STRN3: variants seen among roughly 807,000 people sequenced by gnomAD.
STRN3 encodes striatin 3.
Under a neutral mutation model 95.6 loss-of-function variants are expected in STRN3, and 29 were observed. That is an observed-to-expected ratio of 0.30 (90% CI 0.23 to 0.41). The LOEUF is 0.41. STRN3 is among the 10% of genes least tolerant of loss of function. The pLI, the probability that STRN3 is intolerant of heterozygous loss-of-function variation, is 1.00. For missense variants in STRN3, 890 were observed against 972.1 expected (o/e 0.92, Z 1.12); for synonymous variants, 331 against 357.6 (o/e 0.93, Z 0.84).
intron 12 of STRN3, 131 bp from the exon 13 acceptor site, chr14:30,911,293 T>TA (rs1896601830): frequency 5.1e-4 from 408 of 799,760 alleles, no homozygotes; most frequent in Non-Finnish European, 6.7e-4. Context: ...ACCTGACTGG[T>TA]ACTTTTTTTT....
chr14:30,938,754 A>G (rs2139084204), intron 5 of STRN3, among the ~76,000 whole-genome samples: 1 of 152,324 alleles, frequency 6.6e-6, no homozygotes, highest in Middle Eastern at 3.4e-3. Context: ...GGGGTATATA[A>G]AGAACACTTA....
chr14:30,930,140 C>T (rs746048723), intron 7 of STRN3, among the ~76,000 whole-genome samples: 12 of 151,766 alleles, frequency 7.9e-5, no homozygotes, highest in Non-Finnish European at 2.9e-5. Context: ...ATACTTGTGA[C>T]TGAGAAAAAT....
intron 8 of STRN3, among the ~76,000 whole-genome samples, chr14:30,924,663 G>A (rs1009308821): frequency 2.0e-5 from 3 of 151,988 alleles, no homozygotes; most frequent in Non-Finnish European, 2.9e-5. Context: ...TTTGAGATCC[G>A]CCTGGGCAAC....
At chr14:31,023,697 C>T (rs901427703) in intron 1 of STRN3, among the ~76,000 whole-genome samples, 3 of 151,702 alleles carry the variant, frequency 2.0e-5, no homozygotes, top group Admixed American at 6.6e-5. Context: ...TTCACTACAC[C>T]CTCCCACAAA....
At chr14:31,009,514 T>G (rs966774545) in intron 1 of STRN3, among the ~76,000 whole-genome samples, 3 of 149,780 alleles carry the variant, frequency 2.0e-5, no homozygotes, top group Admixed American at 6.7e-5. Flanking sequence ...CACTTTTGCA[T>G]TTGTACGGAA....
intron 1 of STRN3, among the ~76,000 whole-genome samples, chr14:30,975,130 T>C (rs60862458): frequency 0.086 from 12,559 of 146,026 alleles, 1,361 homozygotes; most frequent in South Asian, 0.29. Flanking sequence ...AGCAGCACAA[T>C]TCATAACTGC....
At chr14:31,004,142 G>A (rs112317287) in intron 1 of STRN3, among the ~76,000 whole-genome samples, 1,598 of 152,074 alleles carry the variant, frequency 0.011, 22 homozygotes, top group African/African-American at 0.032. Context: ...AAAATTAGCC[G>A]GGTGTGATGG....
intron 5 of STRN3, among the ~76,000 whole-genome samples, chr14:30,939,123 T>C (rs1878968323): frequency 6.6e-6 from 1 of 152,216 alleles, no homozygotes; most frequent in African/African-American, 2.4e-5. Flanking sequence ...CACTTACATT[T>C]CATTTGAATT....
rs1442738545 is a variant in STRN3 at position 30,919,092 on chromosome 14, T to C, written c.1114A>G (p.Lys372Glu). Residue 372 changes from lysine (K) to glutamate (E), a missense_variant, in exon 9 of 18, where the codon AAA (lysine) becomes GAA (glutamate). By Grantham distance (56) the Lys-to-Glu change is moderately conservative. Transcript: ENST00000357479. ...KKGVKRANRTKLYDMIADLGD... is the reference protein window; with the variant it reads ...KKGVKRANRTELYDMIADLGD... ...AGATCAGCTATCATGTCGTAGAGTT[T>C]TGTCCTGTTGGCCCCTGTAAATTAA... 3 of 1,606,374 alleles carry C rather than the reference T, an allele frequency of 1.9e-6. No homozygotes were observed. Among genetic ancestry groups the C allele is most frequent in the Non-Finnish European group, 2.6e-6 (3 of 1,175,522 alleles).
At chr14:30,965,709 G>A (rs1213612926) in intron 1 of STRN3, among the ~76,000 whole-genome samples, 4 of 137,384 alleles carry the variant, frequency 2.9e-5, no homozygotes, top group Non-Finnish European at 4.5e-5. Context: ...AACTACTCAG[G>A]AATCTGAGGA....
chr14:31,022,941 T>C (rs986018785), intron 1 of STRN3, among the ~76,000 whole-genome samples: 26 of 152,312 alleles, frequency 1.7e-4, no homozygotes, highest in Middle Eastern at 3.4e-3. Flanking sequence ...AGGAGATATT[T>C]TGCTTAGACT....
intron 1 of STRN3, among the ~76,000 whole-genome samples, chr14:31,010,717 C>T (rs1178025555): frequency 3.3e-5 from 5 of 152,184 alleles, no homozygotes; most frequent in South Asian, 2.1e-4. Context: ...CCCCGCCCCA[C>T]AGTGCATTAA....
intron 1 of STRN3, among the ~76,000 whole-genome samples, chr14:31,002,065 C>T (rs1463800062): frequency 1.3e-5 from 2 of 149,666 alleles, no homozygotes; most frequent in African/African-American, 4.9e-5. Context: ...ACTCGGGAGG[C>T]TGAGGCAGGA....
intron 1 of STRN3, among the ~76,000 whole-genome samples, chr14:30,979,486 A>C (rs1237740879): frequency 6.6e-6 from 1 of 152,222 alleles, no homozygotes; most frequent in Non-Finnish European, 1.5e-5. Context: ...TTGTTTCCAT[A>C]TACAATTTCA....
chr14:30,909,197 ATT>A (rs1295996429), intron 13 of STRN3, among the ~76,000 whole-genome samples: 1 of 151,692 alleles, frequency 6.6e-6, no homozygotes, highest in East Asian at 1.9e-4. Flanking sequence ...GTAGACTTTA[ATT>A]TTTTTTTAGA....
At chr14:30,934,749 AC>A (rs1258423558) in intron 7 of STRN3, among the ~76,000 whole-genome samples, 2 of 152,188 alleles carry the variant, frequency 1.3e-5, no homozygotes, top group African/African-American at 2.4e-5. Flanking sequence ...CTGACTAATT[AC>A]TAATTCTAGT....
At chr14:30,896,180 C>T (rs926692762) in intron 16 of STRN3, among the ~76,000 whole-genome samples, 11 of 152,110 alleles carry the variant, frequency 7.2e-5, no homozygotes, top group African/African-American at 2.2e-4. Context: ...TCCACCACTA[C>T]GGTAATGTTT....
intron 1 of STRN3, among the ~76,000 whole-genome samples, chr14:31,008,572 A>C (rs1359617050): frequency 6.6e-6 from 1 of 152,206 alleles, no homozygotes; most frequent in Non-Finnish European, 1.5e-5. Flanking sequence ...ATCATTTTTA[A>C]AAAAATGCCA....
At chr14:30,914,696 TC>T (rs5807606) in intron 9 of STRN3, among the ~76,000 whole-genome samples, 95,410 of 151,980 alleles carry the variant, frequency 0.63, 30,903 homozygotes, top group Non-Finnish European at 0.71. Context: ...TATTTTAATG[TC>T]CCATTCTAGT....
Sources: allele counts gnomAD v4.1 joint callset (sites outside exome capture counted in the v4.1 genomes callset), GRCh38; gene constraint gnomAD v4.1.1; transcripts MANE v1.5; gene names NCBI Gene and HGNC (gene_info 2026-07-23, HGNC 2026-07-21).